Variants in PHF14 observed in about 807,000 individuals in gnomAD.
PHF14 encodes the protein PHD finger protein 14.
Under a neutral mutation model 117.9 loss-of-function variants are expected in PHF14, and 55 were observed. The ratio of observed to expected loss-of-function variants is 0.47; its 90% CI spans 0.38 to 0.58. The LOEUF is 0.58. PHF14 is among the 20% of genes least tolerant of loss of function. PHF14 has a pLI of 0.00. For missense variants in PHF14, 978 were observed against 1,122.2 expected, an observed-to-expected ratio of 0.87 and a Z score of 1.84; for synonymous variants, 409 against 368.6, an observed-to-expected ratio of 1.11 and a Z score of -1.26.
intron 17 of PHF14, among the ~76,000 whole-genome samples, chr7:11,122,531 A>G (rs1425015716): frequency 6.7e-6 from 1 of 150,048 alleles, no homozygotes; most frequent in Non-Finnish European, 1.5e-5. Context: ...ATGCCCTACA[A>G]TTATTTCCCT....
At chr7:11,138,168 G>T (rs761600429) in intron 17 of PHF14, among the ~76,000 whole-genome samples, 1 of 151,492 alleles carries the variant, frequency 6.6e-6, no homozygotes, top group African/African-American at 2.4e-5. Flanking sequence ...AGCCTCCCGA[G>T]TAGCTGGGAT....
At chr7:11,110,506 T>G (rs1222415473) in intron 16 of PHF14, 2 of 977,192 alleles carry the variant, frequency 2.0e-6, no homozygotes, top group Non-Finnish European at 2.4e-6. Flanking sequence ...TAATACAGAT[T>G]TTTCTTCATT....
chr7:11,109,904 C>T (rs1787387406), intron 16 of PHF14: 1 of 151,800 alleles, frequency 6.6e-6, no homozygotes, highest in African/African-American at 2.4e-5. Context: ...TGGAAAAGTA[C>T]ATAAGCTTAT....
rs144188653 is a variant in PHF14, at chr7:11,052,810, C to A, written c.2481+1030C>A. Among the ~76,000 whole-genome samples the A allele has an allele frequency of 5.5e-4, 84 of 152,032 alleles. 5 individuals are homozygous for A. The highest frequency in any genetic ancestry group is 2.0e-3 in the African/African-American group (82 of 41,480). On this transcript the variant is annotated intron_variant, in intron 14 of 17. Coordinates refer to ENST00000634607, the MANE Select transcript of PHF14 (RefSeq NM_001007157.2). ...CCAGTTTTTCTGTTGGGGTGTTTAC[C>A]TTTTTCTCATTGCAAATTCTTTGAG...
intron 16 of PHF14, among the ~76,000 whole-genome samples, chr7:11,094,579 G>C (rs1786774379): frequency 6.6e-6 from 1 of 151,962 alleles, no homozygotes; most frequent in African/African-American, 2.4e-5. Flanking sequence ...ACAGATTCAG[G>C]GCATTAGAAC....
chr7:11,085,699 G>A (rs1290596723), intron 16 of PHF14, among the ~76,000 whole-genome samples: 8 of 151,628 alleles, frequency 5.3e-5, no homozygotes, highest in African/African-American at 2.4e-5. Flanking sequence ...GCTGGAGTGC[G>A]GGAACTGCAG....
intron 17 of PHF14, among the ~76,000 whole-genome samples, chr7:11,121,842 T>A (rs1021467637): frequency 2.6e-5 from 4 of 151,686 alleles, no homozygotes; most frequent in Admixed American, 2.0e-4. Context: ...TTCCAAACTG[T>A]TTATTTCTGG....
chr7:11,052,077 C>T (rs1340451632), intron 14 of PHF14, among the ~76,000 whole-genome samples: 2 of 152,172 alleles, frequency 1.3e-5, no homozygotes, highest in Non-Finnish European at 2.9e-5. Context: ...TCGACAAGCT[C>T]ATCTTTATCT....
intron 4 of PHF14, among the ~76,000 whole-genome samples, chr7:10,991,826 G>C (rs1583337576): frequency 8.0e-6 from 1 of 125,164 alleles, no homozygotes; most frequent in Admixed American, 1.0e-4. Context: ...TTGAACTCCT[G>C]GCCTCAAGCA....
chr7:11,129,548 CTTTTTT>C (rs71023891), intron 17 of PHF14, among the ~76,000 whole-genome samples: 8 of 133,462 alleles, frequency 6.0e-5, no homozygotes, highest in African/African-American at 1.9e-4. Flanking sequence ...GTGTATGTTT[CTTTTTT>C]TTTTTTTTTT....
At chr7:11,059,643 G>T (rs1167513711) in intron 14 of PHF14, among the ~76,000 whole-genome samples, 2 of 151,942 alleles carry the variant, frequency 1.3e-5, no homozygotes, top group African/African-American at 4.8e-5. Context: ...GTGTGGTGGT[G>T]CACACCTGTA....
chr7:11,094,782 C>G (rs1421476764), intron 16 of PHF14, among the ~76,000 whole-genome samples: 1 of 152,186 alleles, frequency 6.6e-6, no homozygotes, highest in Non-Finnish European at 1.5e-5. Context: ...AGCTCTTCCT[C>G]TCATGCTCTG....
At chr7:11,169,379 G>T in intron 17 of PHF14, 37 bp from the exon 18 acceptor site, 3 of 993,232 alleles carry the variant, frequency 3.0e-6, no homozygotes, top group Non-Finnish European at 4.5e-6. Context: ...ATGCTCTAAA[G>T]TTTATATTTT....
chr7:11,129,238 TGTTTATTGAAACAA>T (rs1390506216), intron 17 of PHF14, among the ~76,000 whole-genome samples: 1 of 152,120 alleles, frequency 6.6e-6, no homozygotes, highest in African/African-American at 2.4e-5. Flanking sequence ...GGCCCAAGGC[TGTTTATTGAAACAA>T]CAAATGATGT....
chr7:11,122,022 C>G (rs115418148), intron 17 of PHF14, among the ~76,000 whole-genome samples: 33 of 151,584 alleles, frequency 2.2e-4, no homozygotes, highest in African/African-American at 3.6e-4. Flanking sequence ...TGCCCTACCC[C>G]CCGACAGGCC....
rs534383467 is a variant in PHF14 at position 10,991,369 on chromosome 7, A to G, written c.1045+522A>G. Among the ~76,000 whole-genome samples the G allele has an allele frequency of 2.1e-4, 32 of 151,824 alleles. 1 individual carries two copies. The South Asian group carries it at 6.2e-3, about 30-fold the overall frequency. ...ATTTTTGTATTTTTAGTAGAGATGG[A>G]GTTTCACCATATTGGTCAGGCTGGT... On this transcript the variant is annotated intron_variant, in intron 4 of 17. Transcript: ENST00000634607.
intron 17 of PHF14, among the ~76,000 whole-genome samples, chr7:11,124,252 T>A (rs1787856763): frequency 6.6e-6 from 1 of 152,138 alleles, no homozygotes; most frequent in African/African-American, 2.4e-5. Flanking sequence ...TTTGGTGGTA[T>A]GTCCTACTAC....
intron 13 of PHF14, among the ~76,000 whole-genome samples, chr7:11,047,399 TA>T (rs1432154606): frequency 6.6e-6 from 1 of 152,034 alleles, no homozygotes; most frequent in Non-Finnish European, 1.5e-5. Context: ...TAAGCACTAT[TA>T]AACATTTTTC....
At chr7:11,083,459 T>C (rs971836386) in intron 16 of PHF14, among the ~76,000 whole-genome samples, 2 of 138,320 alleles carry the variant, frequency 1.4e-5, no homozygotes, top group Non-Finnish European at 1.5e-5. Flanking sequence ...TATTCTGCTT[T>C]CCCTATTTTT....
Sources: allele counts gnomAD v4.1 joint callset (sites outside exome capture counted in the v4.1 genomes callset), GRCh38; gene constraint gnomAD v4.1.1; transcripts MANE v1.5; gene names NCBI Gene and HGNC (gene_info 2026-07-23, HGNC 2026-07-21).